The following IL7 variants were observed in gnomAD, a reference collection of about 807,000 sequenced individuals.
IL7 encodes the protein interleukin 7, also known as interleukin-7.
IL7 carries 3 observed loss-of-function variants against 21.6 expected under a neutral mutation model. The observed-to-expected ratio is 0.14, with a 90% CI of 0.06 to 0.36. The LOEUF (loss-of-function observed/expected upper bound fraction) is 0.36, where lower values mean the gene tolerates loss of function less well. IL7 is among the 10% of genes least tolerant of loss of function. The probability of loss-of-function intolerance (pLI) is 1.00; values close to 1 mark genes in which losing one functional copy is unlikely to be tolerated. For missense variants in IL7, 175 were observed against 200.2 expected, an observed-to-expected ratio of 0.87 and a Z score of 0.76; for synonymous variants, 62 against 68.1, an observed-to-expected ratio of 0.91 and a Z score of 0.44.
chr8:78,709,005 A>T (rs1228984875), intron 3 of IL7, among the ~76,000 whole-genome samples: 1 of 152,216 alleles, frequency 6.6e-6, no homozygotes, highest in Admixed American at 6.5e-5. Context: ...TTTTAGAAAT[A>T]CAGTGAAACA....
At chr8:78,723,955 T>A (rs1447185962) in intron 3 of IL7, 1 of 181,020 alleles carries the variant, frequency 5.5e-6, no homozygotes, top group Non-Finnish European at 1.3e-5. Flanking sequence ...ATGCTGCATC[T>A]CTGATCTGCA....
intron 6 of IL7, chr8:78,718,752 T>C (rs958570864): frequency 6.6e-6 from 1 of 151,974 alleles, no homozygotes; most frequent in Admixed American, 6.5e-5. Context: ...TATATCATAG[T>C]AGTTAGTAGT....
At chr8:78,734,938 C>T (rs569451621) in intron 5 of IL7, among the ~76,000 whole-genome samples, 9 of 152,260 alleles carry the variant, frequency 5.9e-5, no homozygotes, top group African/African-American at 1.9e-4. Flanking sequence ...TTGAGCTCCT[C>T]TGTCCTATTT....
intron 2 of IL7, among the ~76,000 whole-genome samples, chr8:78,777,605 C>T (rs1372220733): frequency 1.3e-5 from 2 of 151,918 alleles, no homozygotes; most frequent in African/African-American, 2.4e-5. Context: ...TTTGAGTTTT[C>T]CATTGTATTT....
chr8:78,737,245 C>T (rs1377748673), intron 4 of IL7, among the ~76,000 whole-genome samples: 28 of 152,082 alleles, frequency 1.8e-4, no homozygotes, highest in Non-Finnish European at 1.5e-5. Context: ...ACACTCTTTT[C>T]AGTTGAACCA....
chr8:78,697,777 C>T (rs1810474851), intron 3 of IL7, among the ~76,000 whole-genome samples: 1 of 150,886 alleles, frequency 6.6e-6, no homozygotes, highest in South Asian at 2.1e-4. Flanking sequence ...CTCCCAGGTT[C>T]AAATGATTCT....
At chr8:78,790,125 G>A (rs1050709391) in intron 2 of IL7, among the ~76,000 whole-genome samples, 2 of 152,224 alleles carry the variant, frequency 1.3e-5, no homozygotes, top group East Asian at 3.9e-4. Flanking sequence ...TATTATAACC[G>A]ATTAGTCATT....
rs147893047 is a variant in IL7 at position 78,798,152 on chromosome 8, C to T, written c.67G>A (p.Ala23Thr). The T allele has an allele frequency of 5.0e-6, 8 of 1,611,160 alleles. No individual in the cohort carries two copies. The African/African-American group carries it at 9.4e-5, about 19-fold the overall frequency. The change falls in exon 2 of 6, where the codon GCA becomes ACA. Residue 23 changes from alanine to threonine, a missense_variant. By Grantham distance (58) the Ala-to-Thr change is moderately conservative (BLOSUM62 0). Transcript: ENST00000263851. ...CCTTCAATATCACAATCAGATGATG[C>T]TACTGGCAACAGAACAAGGATCAGG... is the stretch of plus-strand genomic sequence containing the variant. ...PPLILVLLPV[A>T]SSDCDIEGKD...
chr8:78,753,535 C>T (rs187786120), intron 2 of IL7, among the ~76,000 whole-genome samples: 1 of 152,110 alleles, frequency 6.6e-6, no homozygotes, highest in Non-Finnish European at 1.5e-5. Flanking sequence ...AACCTGTTCA[C>T]TCTGATTATA....
intron 2 of IL7, among the ~76,000 whole-genome samples, chr8:78,745,081 C>CA (rs1466746337): frequency 5.3e-5 from 8 of 152,234 alleles, no homozygotes; most frequent in African/African-American, 1.9e-4. Context: ...GAGCCACTCA[C>CA]ACGAGCTGCT....
chr8:78,681,353 A>C (rs1809770631), intron 4 of IL7, among the ~76,000 whole-genome samples: 2 of 152,224 alleles, frequency 1.3e-5, no homozygotes, highest in South Asian at 4.1e-4. Context: ...AAAAGGTAGA[A>C]AAGAACAGCA....
intron 2 of IL7, among the ~76,000 whole-genome samples, chr8:78,793,031 T>A (rs1219287775): frequency 6.6e-6 from 1 of 152,108 alleles, no homozygotes; most frequent in African/African-American, 2.4e-5. Flanking sequence ...ACAACAGAAT[T>A]TTATTGAGCC....
chr8:78,697,764 C>T (rs567226649), intron 3 of IL7, among the ~76,000 whole-genome samples: 33 of 150,672 alleles, frequency 2.2e-4, no homozygotes, highest in African/African-American at 5.4e-4. Flanking sequence ...CTGCAACCTT[C>T]GCCTCCCAGG....
intron 3 of IL7, among the ~76,000 whole-genome samples, chr8:78,709,310 G>T (rs1243260904): frequency 1.3e-5 from 2 of 152,112 alleles, no homozygotes; most frequent in Non-Finnish European, 2.9e-5. Flanking sequence ...AATGTCTTTA[G>T]TTTTTGAGTA....
chr8:78,795,246 A>G (rs1813816247), intron 2 of IL7, among the ~76,000 whole-genome samples: 1 of 152,152 alleles, frequency 6.6e-6, no homozygotes, highest in African/African-American at 2.4e-5. Context: ...TCTGCAAAGC[A>G]TCTAGTCCAC....
chr8:78,795,307 T>C (rs1813817727), intron 2 of IL7, among the ~76,000 whole-genome samples: 1 of 152,140 alleles, frequency 6.6e-6, no homozygotes, highest in African/African-American at 2.4e-5. Context: ...TTGACATTAA[T>C]AATTCATTGA....
chr8:78,805,135 C>T lies in IL7; in HGVS notation c.-213G>A, dbSNP rs1042729310. On this transcript the variant is annotated 5_prime_UTR_variant, in exon 1 of 6. Coordinates refer to ENST00000263851, the MANE Select transcript of IL7 (RefSeq NM_000880.4). ...CGGCACACACTACGGCGTGGCTCTGCGCTTTGCCTTTTCCATAACTTCCGT... is the reference window on the plus strand; with the variant it reads ...CGGCACACACTACGGCGTGGCTCTGTGCTTTGCCTTTTCCATAACTTCCGT... 1.2e-5 allele frequency: 6 copies of T among 518,234 alleles called. No individual in the cohort carries two copies. The highest frequency in any genetic ancestry group is 2.1e-5 in the Non-Finnish European group (6 of 285,766). 32.1% of individuals were successfully genotyped at this position (518,234 alleles called of 1,614,324 possible).
downstream of IL7, among the ~76,000 whole-genome samples, chr8:78,712,934 AAGGT>A: frequency 1.3e-5 from 2 of 152,184 alleles, no homozygotes. Context: ...TAGATAAACA[AAGGT>A]AGGAGAAGTC....
chr8:78,697,547 C>A, intron 3 of IL7: 1 of 1,492,894 alleles, frequency 6.7e-7, no homozygotes, highest in South Asian at 1.2e-5. Flanking sequence ...TTTTTGAAAC[C>A]ATGTTGGCAG....
Sources: gnomAD v4.1 joint callset for allele counts (sites outside exome capture counted in the v4.1 genomes callset) on GRCh38, gnomAD v4.1.1 for gene constraint, MANE v1.5 for transcripts, NCBI Gene and HGNC (gene_info 2026-07-23, HGNC 2026-07-21) for gene names.